The following SLC26A6 variants were observed in gnomAD, a reference collection of about 807,000 sequenced individuals.
SLC26A6 encodes the protein solute carrier family 26 member 6.
In SLC26A6, 67 loss-of-function variants were observed where a neutral mutation model predicts 87.1. The observed-to-expected ratio is 0.77, with a 90% CI of 0.63 to 0.94. The LOEUF is 0.94. Among genes scored for constraint, SLC26A6 ranks in the 40% least tolerant of loss-of-function variants. The pLI, the probability that SLC26A6 is intolerant of heterozygous loss-of-function variation, is 0.00. For missense variants in SLC26A6, 902 were observed against 973.0 expected, an observed-to-expected ratio of 0.93 and a Z score of 0.97; for synonymous variants, 414 against 405.9, an observed-to-expected ratio of 1.02 and a Z score of -0.24.
Position 48,625,736 on chromosome 3 carries a change from T to G in SLC26A6, c.*250A>C. 1 of 596,264 alleles carries G rather than the reference T, an allele frequency of 1.7e-6. No homozygotes were observed. Among genetic ancestry groups the G allele is most frequent in the Non-Finnish European group, 3.0e-6 (1 of 332,606 alleles). 36.9% of individuals were successfully genotyped at this position (596,264 alleles called of 1,614,324 possible). A position where few individuals can be genotyped will look rare whatever the true frequency, so the allele number is the denominator to read the frequency against. On this transcript the variant is annotated 3_prime_UTR_variant, in exon 21 of 21. Transcript: ENST00000395550. The surrounding 1 kb of genome is among the most constrained non-coding windows in gnomAD (Gnocchi z 4.7). ...CAGAGACTGGAGTTGAGCAGACAAA[T>G]CTTTATTCCTGAGGCTAAAATATGC... is the stretch of plus-strand genomic sequence containing the variant.
chr3:48,630,178 C>G (rs1420565057), intron 11 of SLC26A6, 21 bp from the exon 12 acceptor site: 4 of 1,601,020 alleles, frequency 2.5e-6, no homozygotes, highest in Non-Finnish European at 3.4e-6. Context: ...GACAGTGCCA[C>G]CAGGGGCCAT....
At chr3:48,626,375 TC>T (rs1423692998) in intron 19 of SLC26A6, 21 bp from the exon 20 acceptor site, 12 of 1,613,676 alleles carry the variant, frequency 7.4e-6, no homozygotes, top group Non-Finnish European at 9.3e-6. Context: ...GAAGTAGGCC[TC>T]CCCTGACTCT....
At position 48,635,414 on chromosome 3, in the gene SLC26A6, C is replaced by T. The variant is rs1285379418; in HGVS notation, c.-21G>A. The T allele has an allele frequency of 1.3e-6, 2 of 1,576,888 alleles. No homozygotes were observed. Among genetic ancestry groups the T allele is most frequent in the Middle Eastern group, 1.7e-4 (1 of 6,002 alleles). On this transcript the variant is annotated 5_prime_UTR_variant, in exon 1 of 21. Coordinates refer to ENST00000395550, the MANE Select transcript of SLC26A6 (RefSeq NM_022911.3). ...CCCATGGCTCGCAAGTTGTCCGGTG[C>T]GGGCTGCTCCTGCTGCTCGAGCTAG... is the stretch of plus-strand genomic sequence containing the variant.
At chr3:48,629,524 C>A in intron 14 of SLC26A6, 118 bp downstream of exon 14, 1 of 1,162,436 alleles carries the variant, frequency 8.6e-7, no homozygotes, top group Non-Finnish European at 1.2e-6. Context: ...ATCCCAAAGA[C>A]CAAAGCCAAA....
Position 48,632,519 on chromosome 3 carries a change from C to A in SLC26A6, c.434-123G>T. On this transcript the variant is annotated intron_variant, in intron 4 of 20. Coordinates refer to ENST00000395550, the MANE Select transcript of SLC26A6 (RefSeq NM_022911.3). ...GATAAATGTACTCAGATTATGGCTG[C>A]ATGAACAGGGACAGTGCTGGCGGTT... 2 of 1,357,134 alleles carry A rather than the reference C, an allele frequency of 1.5e-6. 1 individual carries two copies. Among genetic ancestry groups the A allele is most frequent in the South Asian group, 2.5e-5 (2 of 79,814 alleles). The allele number at this position is 1,357,134 out of a possible 1,614,324, so 84.1% of individuals were successfully genotyped here.
At chr3:48,631,515 T>G in intron 7 of SLC26A6, 134 bp downstream of exon 7, 1 of 1,233,884 alleles carries the variant, frequency 8.1e-7, no homozygotes, top group Non-Finnish European at 1.1e-6. Context: ...GGCTTTCTGC[T>G]GTGCCCCCCA....
Position 48,626,657 on chromosome 3 carries a change from A to T in SLC26A6, c.2102T>A (p.Val701Glu), listed in dbSNP as rs749523603. 1 of 1,613,478 alleles carries T rather than the reference A, an allele frequency of 6.2e-7. No individual in the cohort carries two copies. The highest frequency in any genetic ancestry group is 8.5e-7 in the Non-Finnish European group (1 of 1,179,890). The change falls in exon 19 of 21, where the codon GTG becomes GAG. Residue 701 changes from valine (V) to glutamate (E), a missense_variant. This residue lies in a region of SLC26A6 where 99 missense variants were observed against 100.1 expected (regional missense o/e 0.99). Transcript: ENST00000395550. ...GTGGCAGGCCGCCATGTACACCTCC[A>T]CCTCAATCTCCCGGAAGTCATGGAA... ...NIFHDFREIE[V>E]EVYMAACHSP...
intron 17 of SLC26A6, chr3:48,627,555 G>A (rs193279624): frequency 5.2e-5 from 10 of 190,564 alleles, no homozygotes; most frequent in Admixed American, 1.8e-4. Context: ...GCGCACTGCA[G>A]CCCCGAGCTC....
At position 48,625,793 on chromosome 3, in the gene SLC26A6, A is replaced by G. The variant is rs560066020; in HGVS notation, c.*193T>C. On this transcript the variant is annotated 3_prime_UTR_variant, in exon 21 of 21. Transcript: ENST00000395550. The surrounding 1 kb of genome is among the most constrained non-coding windows in gnomAD (Gnocchi z 4.7). ...TCCCTCCCTGTACCGCGCCACTGCCAGCCTGACTGCATGCAGGCCCTGTCC... is the reference window on the plus strand; with the variant it reads ...TCCCTCCCTGTACCGCGCCACTGCCGGCCTGACTGCATGCAGGCCCTGTCC... The G allele has an allele frequency of 4.5e-6, 3 of 665,464 alleles. No individual in the cohort carries two copies. The highest frequency in any genetic ancestry group is 2.7e-5 in the Admixed American group (1 of 37,572). The allele number at this position is 665,464 out of a possible 1,614,324, so 41.2% of individuals were successfully genotyped here.
At chr3:48,627,859 TG>T in intron 17 of SLC26A6, 86 bp downstream of exon 17, 1 of 1,296,556 alleles carries the variant, frequency 7.7e-7, no homozygotes, top group Non-Finnish European at 1.1e-6. Flanking sequence ...CCACAGCTGC[TG>T]GGTCCATGGC....
Position 48,628,379 on chromosome 3 carries a change from TGGGGCAGGGAACAG to T in SLC26A6, c.1800+41_1800+54del, listed in dbSNP as rs757410602. 6 of 1,557,564 alleles carry T rather than the reference TGGGGCAGGGAACAG, an allele frequency of 3.9e-6. No homozygotes were observed. In the African/African-American group the frequency reaches 8.2e-5, roughly 21 times the overall value. ...AGGAGTCGGGGGCCAGGAGAAAGGC[TGGGGCAGGGAACAG>T]GGGGCAGGAGATGGGGGTCACCAGA... On this transcript the variant is annotated intron_variant, in intron 16 of 20. Transcript: ENST00000395550. This position sits in a 1 kb window ranked among gnomAD's most constrained non-coding sequence, Gnocchi z 4.4.
rs774008126 is a variant in SLC26A6, at chr3:48,633,624, G to C, written c.35C>G (p.Thr12Arg). The C allele has an allele frequency of 6.2e-7, 1 of 1,613,474 alleles. No homozygotes were observed. Among genetic ancestry groups the C allele is most frequent in the South Asian group, 1.1e-5 (1 of 91,086 alleles). The change falls in exon 2 of 21, where the codon ACA becomes AGA. Residue 12 changes from threonine (T) to arginine (R), a missense_variant. Transcript: ENST00000395550. ...TTGTGTTGCAGACAGCAGTGCCTGTGTGTCCCTCGGTCTGGGGTGGCAAGA... is the reference window on the plus strand; with the variant it reads ...TTGTGTTGCAGACAGCAGTGCCTGTCTGTCCCTCGGTCTGGGGTGGCAAGA... Reference protein sequence around the residue: ...GLADASGPRDTQALLSATQAM... With the variant: ...GLADASGPRDRQALLSATQAM...
chr3:48,626,979 G>C lies in SLC26A6; in HGVS notation c.1970C>G (p.Thr657Arg). 6.2e-7 allele frequency: 1 copy of C among 1,614,254 alleles called. No homozygotes were observed. The highest frequency in any genetic ancestry group is 8.5e-7 in the Non-Finnish European group (1 of 1,180,044). ...QEDSKAPDGS[T>R]LKALGLPQPD... ...CTGAGGCAGGCCCAGGGCCTTCAGT[G>C]TGGACCCATCTGGGGCCTTGGAGTC... The change falls in exon 18 of 21, where the codon ACA (threonine) becomes AGA (arginine). Residue 657 changes from threonine to arginine, a missense_variant. This residue lies in a region of SLC26A6 where 800 missense variants were observed against 856.8 expected (regional missense o/e 0.93). Transcript: ENST00000395550.
Position 48,628,897 on chromosome 3 carries a change from C to T in SLC26A6, c.1600-183G>A, listed in dbSNP as rs532966935. On this transcript the variant is annotated intron_variant, in intron 14 of 20. Coordinates refer to ENST00000395550, the MANE Select transcript of SLC26A6 (RefSeq NM_022911.3). This position sits in a 1 kb window ranked among gnomAD's most constrained non-coding sequence, Gnocchi z 4.4. ...AGCCCGACGGTGTCATCCCCATCCC[C>T]CCACAGTGCCTCTCCCTCCCCACCT... 3.6e-4 allele frequency among the ~76,000 whole-genome samples: 55 copies of T among 152,250 alleles called. 1 individual carries two copies. The highest frequency in any genetic ancestry group is 2.9e-3 in the South Asian group (14 of 4,820).
At chr3:48,626,070 C>T in intron 20 of SLC26A6, 70 bp from the exon 21 acceptor site, 2 of 1,612,832 alleles carry the variant, frequency 1.2e-6, no homozygotes, top group Non-Finnish European at 1.7e-6. Context: ...GCCCCTAGAA[C>T]AGCTTTATCC....
chr3:48,625,860 C>G lies in SLC26A6; in HGVS notation c.*126G>C. The G allele has an allele frequency of 7.8e-7, 1 of 1,277,356 alleles. No individual in the cohort carries two copies. Among genetic ancestry groups the G allele is most frequent in the Non-Finnish European group, 1.1e-6 (1 of 903,792 alleles). 79.1% of individuals were successfully genotyped at this position (1,277,356 alleles called of 1,614,324 possible). ...AACTTGGAGTCCCAGGACCTCCTTC[C>G]CTGAGTTGTGTGTGTGTACATGGAG... On this transcript the variant is annotated 3_prime_UTR_variant, in exon 21 of 21. Coordinates refer to ENST00000395550, the MANE Select transcript of SLC26A6 (RefSeq NM_022911.3). The surrounding 1 kb of genome is among the most constrained non-coding windows in gnomAD (Gnocchi z 4.7).
intron 4 of SLC26A6, 32 bp downstream of exon 4, chr3:48,632,942 C>T (rs2046847598): frequency 1.3e-6 from 2 of 1,592,232 alleles, no homozygotes; most frequent in Non-Finnish European, 1.7e-6. Flanking sequence ...ATGTGGGCAT[C>T]CTCCTGGAAG....
At position 48,626,208 on chromosome 3, in the gene SLC26A6, G is replaced by A; in HGVS notation, c.2265+10C>T. On this transcript the variant is annotated intron_variant, in intron 20 of 20. Transcript: ENST00000395550. ...CAAAAAAGAGCTTGGCAGGCCAGAG[G>A]TAGGCTCACCGAAACAGGGCTGTCG... is the stretch of plus-strand genomic sequence containing the variant. The A allele has an allele frequency of 1.2e-6, 2 of 1,614,092 alleles. No homozygotes were observed. The highest frequency in any genetic ancestry group is 1.7e-6 in the Non-Finnish European group (2 of 1,180,006).
intron 3 of SLC26A6, 49 bp downstream of exon 3, chr3:48,633,202 G>C (rs1575531300): frequency 6.3e-7 from 1 of 1,597,960 alleles, no homozygotes; most frequent in Non-Finnish European, 8.5e-7. Flanking sequence ...CCAGTTTTGG[G>C]CATCACAGAC....
Sources: allele counts gnomAD v4.1 joint callset (sites outside exome capture counted in the v4.1 genomes callset), GRCh38; gene constraint gnomAD v4.1.1; regional missense constraint gnomAD v4.1.1; non-coding constraint Gnocchi (gnomAD v3.1); transcripts MANE v1.5; gene names NCBI Gene and HGNC (gene_info 2026-07-23, HGNC 2026-07-21).